Variants in CDK14 observed in about 807,000 individuals in gnomAD.
CDK14 encodes the protein cyclin dependent kinase 14.
In CDK14, 34 loss-of-function variants were observed where a neutral mutation model predicts 60.7. The ratio of observed to expected loss-of-function variants is 0.56; its 90% CI spans 0.43 to 0.75. The LOEUF (loss-of-function observed/expected upper bound fraction) is 0.75. CDK14 is among the 30% of genes least tolerant of loss of function. The pLI, the probability that CDK14 is intolerant of heterozygous loss-of-function variation, is 0.00. For synonymous variants in CDK14, 197 were observed against 203.7 expected (o/e 0.97, Z 0.28); for missense variants, 482 against 564.1 (o/e 0.85, Z 1.47).
chr7:90,952,097 A>G (rs1794280693), intron 8 of CDK14, among the ~76,000 whole-genome samples: 1 of 152,190 alleles, frequency 6.6e-6, no homozygotes, highest in African/African-American at 2.4e-5. Context: ...TTCCTGGTTA[A>G]CTATCCTATA....
At chr7:91,074,205 A>G (rs1210743656) in intron 11 of CDK14, among the ~76,000 whole-genome samples, 1 of 152,232 alleles carries the variant, frequency 6.6e-6, no homozygotes, top group Non-Finnish European at 1.5e-5. Flanking sequence ...CATTCTTCTC[A>G]GTCCCACATG....
At chr7:90,830,303 C>T (rs1789873871) in intron 5 of CDK14, among the ~76,000 whole-genome samples, 1 of 152,188 alleles carries the variant, frequency 6.6e-6, no homozygotes, top group South Asian at 2.1e-4. Context: ...CACATGGAAG[C>T]CTCCAAGGCT....
rs61250789 is a variant in CDK14 at position 91,201,529 on chromosome 7, GAA to G, written c.*29-5625_*29-5624del. Among the ~76,000 whole-genome samples, 182 of 142,442 alleles carry G rather than the reference GAA, an allele frequency of 1.3e-3. 3 individuals are homozygous for G. The highest frequency in any genetic ancestry group is 4.4e-3 in the African/African-American group (173 of 39,092). The allele number at this position is 142,442 out of a possible 152,430, so 93.4% of individuals were successfully genotyped here. A position where few individuals can be genotyped will look rare whatever the true frequency, so the allele number is the denominator to read the frequency against. On this transcript the variant is annotated intron_variant, in intron 14 of 14. Coordinates refer to ENST00000380050, the MANE Select transcript of CDK14 (RefSeq NM_001287135.2). ...ACTTTGAGGAAGGGCAATGCAGCAG[GAA>G]AAAAAAAAAACAACAAAACACAGTC... is the stretch of plus-strand genomic sequence containing the variant.
chr7:90,735,009 T>G (rs905584332), intron 3 of CDK14, among the ~76,000 whole-genome samples: 4 of 152,192 alleles, frequency 2.6e-5, no homozygotes, highest in African/African-American at 9.6e-5. Context: ...GTGGACATCC[T>G]TTTTGTTGAT....
At chr7:91,184,964 C>G (rs1156955434) in intron 14 of CDK14, among the ~76,000 whole-genome samples, 1 of 151,740 alleles carries the variant, frequency 6.6e-6, no homozygotes, top group Non-Finnish European at 1.5e-5. Context: ...GGGCATCAAC[C>G]TAGGGGAATG....
chr7:90,948,576 T>C (rs1794165310), intron 8 of CDK14, among the ~76,000 whole-genome samples: 1 of 152,264 alleles, frequency 6.6e-6, no homozygotes, highest in Non-Finnish European at 1.5e-5. Context: ...GGCCAGGTAC[T>C]AAATATCATA....
chr7:90,996,169 T>C (rs998007097), intron 10 of CDK14, among the ~76,000 whole-genome samples: 1 of 152,186 alleles, frequency 6.6e-6, no homozygotes, highest in African/African-American at 2.4e-5. Context: ...TAGAATTGCA[T>C]ACACAAGCAA....
At chr7:90,604,996 G>C (rs911218841) in intron 2 of CDK14, among the ~76,000 whole-genome samples, 1 of 152,158 alleles carries the variant, frequency 6.6e-6, no homozygotes, top group Non-Finnish European at 1.5e-5. Context: ...TATATAGATT[G>C]TGTTTTTATA....
chr7:90,910,389 T>C (rs1242046820), intron 7 of CDK14, among the ~76,000 whole-genome samples: 1 of 152,198 alleles, frequency 6.6e-6, no homozygotes. Context: ...TAAACCATTA[T>C]CTGATGCATA....
intron 10 of CDK14, among the ~76,000 whole-genome samples, chr7:91,028,137 A>G (rs189609581): frequency 9.1e-4 from 138 of 151,212 alleles, no homozygotes; most frequent in Non-Finnish European, 1.8e-3. Flanking sequence ...ATAAATGAGA[A>G]CATGTGGTAT....
At chr7:90,639,860 G>T (rs571660874) in intron 2 of CDK14, among the ~76,000 whole-genome samples, 2 of 152,282 alleles carry the variant, frequency 1.3e-5, no homozygotes, top group East Asian at 3.9e-4. Flanking sequence ...CTACCTTGCA[G>T]TTTGATCTCA....
At chr7:90,738,978 G>A (rs1803240761) in intron 3 of CDK14, among the ~76,000 whole-genome samples, 1 of 150,936 alleles carries the variant, frequency 6.6e-6, no homozygotes. Flanking sequence ...TTATTTATGT[G>A]TACAGTAATT....
intron 2 of CDK14, among the ~76,000 whole-genome samples, chr7:90,652,103 A>G (rs887350494): frequency 7.2e-5 from 11 of 152,084 alleles, no homozygotes; most frequent in African/African-American, 2.4e-4. Flanking sequence ...ATTTTTCCCA[A>G]GACTTTTACT....
chr7:90,947,996 A>G (rs1162324461), intron 8 of CDK14, among the ~76,000 whole-genome samples: 2 of 152,212 alleles, frequency 1.3e-5, no homozygotes, highest in African/African-American at 4.8e-5. Context: ...TTTAACACAT[A>G]TAGATACATA....
intron 8 of CDK14, among the ~76,000 whole-genome samples, chr7:90,932,208 G>C (rs2117475493): frequency 6.6e-6 from 1 of 152,214 alleles, no homozygotes; most frequent in Middle Eastern, 3.4e-3. Context: ...AGTCATTTCT[G>C]AAACTGTGGT....
intron 2 of CDK14, among the ~76,000 whole-genome samples, chr7:90,631,323 C>A (rs541181787): frequency 6.6e-6 from 1 of 152,300 alleles, no homozygotes; most frequent in South Asian, 2.1e-4. Context: ...GACTGTCCAC[C>A]TGAGACCCAC....
intron 2 of CDK14, among the ~76,000 whole-genome samples, chr7:90,715,820 T>C (rs1003972738): frequency 8.2e-4 from 124 of 151,902 alleles, no homozygotes; most frequent in African/African-American, 2.9e-3. Context: ...ATTTTGTAGA[T>C]TGGAAAACGC....
At chr7:90,798,188 ATT>A (rs10617120) in intron 5 of CDK14, among the ~76,000 whole-genome samples, 116,140 of 147,012 alleles carry the variant, frequency 0.79, 45,886 homozygotes, top group East Asian at 0.96. Context: ...CTTCTGAGTG[ATT>A]TTTTTTTTTT....
At chr7:91,128,001 CT>C (rs1223562419) in intron 14 of CDK14, among the ~76,000 whole-genome samples, 1 of 152,034 alleles carries the variant, frequency 6.6e-6, no homozygotes, top group African/African-American at 2.4e-5. Flanking sequence ...TGATAAGAAA[CT>C]TTTATGATAT....
Sources: gnomAD v4.1 joint callset for allele counts (sites outside exome capture counted in the v4.1 genomes callset) on GRCh38, gnomAD v4.1.1 for gene constraint, MANE v1.5 for transcripts, NCBI Gene and HGNC (gene_info 2026-07-23, HGNC 2026-07-21) for gene names.